The following PARD3 variants were observed in gnomAD, a reference collection of about 807,000 sequenced individuals.
PARD3 encodes the protein par-3 family cell polarity regulator, also known as partitioning defective 3 homolog.
A neutral mutation model predicts 155.4 loss-of-function variants in PARD3; 75 were observed. The observed-to-expected ratio is 0.48, with a 90% CI of 0.40 to 0.58. The LOEUF (loss-of-function observed/expected upper bound fraction) is 0.58, where lower values mean the gene tolerates loss of function less well. Among genes scored for constraint, PARD3 ranks in the 20% least tolerant of loss-of-function variants. The pLI is 0.00. For missense variants in PARD3, 1,642 were observed against 1,721.7 expected, an observed-to-expected ratio of 0.95 and a Z score of 0.82; for synonymous variants, 576 against 610.5, an observed-to-expected ratio of 0.94 and a Z score of 0.83.
chr10:34,408,663 C>A (rs939682649), intron 5 of PARD3, among the ~76,000 whole-genome samples: 1 of 152,062 alleles, frequency 6.6e-6, no homozygotes, highest in African/African-American at 2.4e-5. Context: ...TTGAAAACAT[C>A]TGTAGGAGAG....
At position 34,815,086 on chromosome 10, in the gene PARD3, CGCTGGGGACTCGGGCGCGCGGGCG is replaced by C. The variant is rs1309098391; in HGVS notation, c.-115_-92del. On this transcript the variant is annotated 5_prime_UTR_variant, in exon 1 of 25. Transcript: ENST00000374788. The stretch of plus-strand genomic sequence containing the variant: ...CCGAGGACGCTGGGCGCGGAGGAGC[CGCTGGGGACTCGGGCGCGCGGGCG>C]GCTAGGGGCGCGGGCAGGCGGCGGC... 7 of 921,978 alleles carry C rather than the reference CGCTGGGGACTCGGGCGCGCGGGCG, an allele frequency of 7.6e-6. No homozygotes were observed. In the African/African-American group the frequency reaches 1.3e-4, roughly 16 times the overall value. 57.1% of individuals were successfully genotyped at this position (921,978 alleles called of 1,614,324 possible).
At chr10:34,517,556 T>C (rs528824056) in intron 2 of PARD3, among the ~76,000 whole-genome samples, 4 of 152,278 alleles carry the variant, frequency 2.6e-5, no homozygotes, top group Non-Finnish European at 5.9e-5. Context: ...TGAACTACTA[T>C]TCACATAAAA....
intron 1 of PARD3, among the ~76,000 whole-genome samples, chr10:34,713,347 GCTAGA>G (rs1459898699): frequency 6.6e-6 from 1 of 152,034 alleles, no homozygotes; most frequent in African/African-American, 2.4e-5. Context: ...CAGGTAATAT[GCTAGA>G]CTAATTTCAC....
chr10:34,533,996 A>G (rs1056812074), intron 2 of PARD3, among the ~76,000 whole-genome samples: 3 of 152,030 alleles, frequency 2.0e-5, no homozygotes, highest in Admixed American at 2.0e-4. Context: ...AAACACCCCC[A>G]TTTCCATGAA....
At chr10:34,454,421 T>C (rs1191001509) in intron 4 of PARD3, among the ~76,000 whole-genome samples, 1 of 152,154 alleles carries the variant, frequency 6.6e-6, no homozygotes, top group African/African-American at 2.4e-5. Context: ...TTGAAAATAT[T>C]TGCTTTAGCA....
chr10:34,549,817 T>C (rs2084393491), intron 2 of PARD3, among the ~76,000 whole-genome samples: 1 of 152,094 alleles, frequency 6.6e-6, no homozygotes, highest in African/African-American at 2.4e-5. Flanking sequence ...CACTGTCTCC[T>C]TCTGTGGCTG....
chr10:34,293,779 AGATT>A (rs1956780812), intron 20 of PARD3, among the ~76,000 whole-genome samples: 1 of 152,204 alleles, frequency 6.6e-6, no homozygotes, highest in Non-Finnish European at 1.5e-5. Context: ...TAATAATGAG[AGATT>A]GATTGAGCTT....
chr10:34,144,996 C>T (rs1406964737), intron 22 of PARD3, among the ~76,000 whole-genome samples: 2 of 151,660 alleles, frequency 1.3e-5, no homozygotes, highest in African/African-American at 2.4e-5. Flanking sequence ...AAATATTTTG[C>T]GTTTGCATGC....
chr10:34,197,932 G>A (rs1951025596), intron 22 of PARD3, among the ~76,000 whole-genome samples: 1 of 152,202 alleles, frequency 6.6e-6, no homozygotes, highest in East Asian at 1.9e-4. Context: ...GTTTCACCAT[G>A]TTGGCCAGGA....
chr10:34,255,343 C>A (rs1225158571), intron 22 of PARD3, among the ~76,000 whole-genome samples: 1 of 152,174 alleles, frequency 6.6e-6, no homozygotes, highest in Non-Finnish European at 1.5e-5. Context: ...CCTCAGCACA[C>A]CCCAATTCCA....
intron 22 of PARD3, among the ~76,000 whole-genome samples, chr10:34,180,070 C>T (rs999502633): frequency 3.3e-5 from 5 of 151,524 alleles, no homozygotes; most frequent in East Asian, 3.9e-4. Flanking sequence ...TTTTTTGAGA[C>T]GGAGTCTCGC....
intron 2 of PARD3, among the ~76,000 whole-genome samples, chr10:34,527,115 T>C (rs2082540620): frequency 6.6e-6 from 1 of 152,192 alleles, no homozygotes; most frequent in Non-Finnish European, 1.5e-5. Flanking sequence ...AAAAGAAAAC[T>C]TGGCTGTGGC....
At chr10:34,410,365 T>C (rs1315795606) in intron 5 of PARD3, among the ~76,000 whole-genome samples, 3 of 152,146 alleles carry the variant, frequency 2.0e-5, no homozygotes, top group East Asian at 1.9e-4. Flanking sequence ...AAATATTTAA[T>C]GTATCATTTT....
chr10:34,429,437 C>T (rs1166457983), intron 5 of PARD3, among the ~76,000 whole-genome samples: 4 of 151,566 alleles, frequency 2.6e-5, no homozygotes, highest in African/African-American at 7.3e-5. Flanking sequence ...CTGTGTCACC[C>T]AGGCTGGAGT....
At chr10:34,580,806 T>C (rs762829365) in intron 2 of PARD3, among the ~76,000 whole-genome samples, 35 of 152,180 alleles carry the variant, frequency 2.3e-4, no homozygotes, top group Non-Finnish European at 4.1e-4. Flanking sequence ...CACAACGTAT[T>C]ATTCACCACA....
Position 34,768,851 on chromosome 10 carries a change from G to A in PARD3, c.120+46025C>T, listed in dbSNP as rs554649564. 1.5e-3 allele frequency among the ~76,000 whole-genome samples: 225 copies of A among 152,288 alleles called. 1 individual carries two copies. The highest frequency in any genetic ancestry group is 0.01 in the Middle Eastern group (3 of 294). The stretch of plus-strand genomic sequence containing the variant: ...TCCCTGCTGAGCGCACTCAGGGTGC[G>A]GCTCCACCCCAGGCATGGTGACAGA... On this transcript the variant is annotated intron_variant, in intron 1 of 24. Transcript: ENST00000374788.
chr10:34,229,547 C>G (rs571636107), intron 22 of PARD3, among the ~76,000 whole-genome samples: 17 of 152,092 alleles, frequency 1.1e-4, no homozygotes, highest in Admixed American at 1.1e-3. Flanking sequence ...CATCTGGCCC[C>G]AACTCTTCTT....
At chr10:34,686,483 C>T (rs192512531) in intron 2 of PARD3, among the ~76,000 whole-genome samples, 93 of 151,328 alleles carry the variant, frequency 6.1e-4, no homozygotes, top group African/African-American at 2.3e-3. Context: ...CGCCTATAAT[C>T]CCAGCACTTT....
At chr10:34,336,341 C>T (rs1589222644) in intron 17 of PARD3, 98 bp from the exon 18 acceptor site, 1 of 821,754 alleles carries the variant, frequency 1.2e-6, no homozygotes, top group African/African-American at 1.7e-5. Context: ...TGACGATCCT[C>T]AGCTAATATT....
Sources: gnomAD v4.1 joint callset for allele counts (sites outside exome capture counted in the v4.1 genomes callset) on GRCh38, gnomAD v4.1.1 for gene constraint, MANE v1.5 for transcripts, NCBI Gene and HGNC (gene_info 2026-07-23, HGNC 2026-07-21) for gene names.